The following SLC25A40 variants were observed in gnomAD, a reference collection of about 807,000 sequenced individuals.
SLC25A40 encodes the protein mitochondrial glutathione transporter SLC25A40.
SLC25A40 carries 41 observed loss-of-function variants against 46.5 expected under a neutral mutation model. The observed-to-expected ratio is 0.88, with a 90% CI of 0.69 to 1.14. SLC25A40 has a LOEUF of 1.14. Ranked by LOEUF, SLC25A40 falls within the 50% of genes most tolerant of loss-of-function variation. The pLI, the probability that SLC25A40 is intolerant of heterozygous loss-of-function variation, is 0.00. For missense variants in SLC25A40, 386 were observed against 393.6 expected (o/e 0.98, Z 0.16); for synonymous variants, 126 against 127.5 (o/e 0.99, Z 0.08).
At chr7:87,840,459 C>T (rs1838315710) in intron 10 of SLC25A40, among the ~76,000 whole-genome samples, 2 of 151,666 alleles carry the variant, frequency 1.3e-5, no homozygotes, top group South Asian at 4.1e-4. Context: ...GTACAGATTC[C>T]CATCTTTTCC....
At chr7:87,874,290 A>T (rs915670301) in intron 1 of SLC25A40, among the ~76,000 whole-genome samples, 2 of 152,210 alleles carry the variant, frequency 1.3e-5, no homozygotes, top group Admixed American at 6.5e-5. Flanking sequence ...CACACAATTC[A>T]TCTTTCACAA....
chr7:87,870,814 C>T (rs919414766), intron 1 of SLC25A40, among the ~76,000 whole-genome samples: 4 of 152,158 alleles, frequency 2.6e-5, no homozygotes, highest in Non-Finnish European at 4.4e-5. Flanking sequence ...CCACTTTCAT[C>T]AGCAATAAAA....
At chr7:87,863,003 G>C (rs924542762) in intron 1 of SLC25A40, among the ~76,000 whole-genome samples, 4 of 152,086 alleles carry the variant, frequency 2.6e-5, no homozygotes, top group African/African-American at 9.7e-5. Context: ...TCTTGGTGGG[G>C]ATACAGCCAA....
chr7:87,849,608 C>A (rs1838476785), intron 6 of SLC25A40, among the ~76,000 whole-genome samples: 1 of 152,202 alleles, frequency 6.6e-6, no homozygotes, highest in Non-Finnish European at 1.5e-5. Flanking sequence ...AAGCCTATTT[C>A]TGGACAACTC....
intron 8 of SLC25A40, 170 bp from the exon 9 acceptor site, chr7:87,844,033 C>T: frequency 1.0e-6 from 1 of 975,936 alleles, no homozygotes; most frequent in Non-Finnish European, 1.2e-6. Context: ...ATGCAAAATT[C>T]TCAGTAATAT....
chr7:87,866,945 C>T (rs947296954), intron 1 of SLC25A40, among the ~76,000 whole-genome samples: 5 of 152,232 alleles, frequency 3.3e-5, no homozygotes, highest in African/African-American at 1.2e-4. Context: ...AGTTCTGGGC[C>T]GTGAGCAAGC....
chr7:87,852,071 T>C (rs1838521600), intron 5 of SLC25A40, among the ~76,000 whole-genome samples: 1 of 152,112 alleles, frequency 6.6e-6, no homozygotes, highest in South Asian at 2.1e-4. Context: ...CTAAAAGAAA[T>C]TCACTTCAAT....
intron 9 of SLC25A40, 91 bp downstream of exon 9, chr7:87,843,663 G>T: frequency 4.5e-6 from 4 of 886,802 alleles, no homozygotes; most frequent in Middle Eastern, 2.4e-4. Flanking sequence ...CAGCCAAAGT[G>T]GATCTCAATA....
At chr7:87,841,822 C>G (rs1020131645) in intron 9 of SLC25A40, 108 bp from the exon 10 acceptor site, 1 of 529,528 alleles carries the variant, frequency 1.9e-6, no homozygotes, top group Non-Finnish European at 3.0e-6. Context: ...AAAACAATAA[C>G]CGAACTTTAA....
At chr7:87,861,235 G>A (rs765382834) in intron 1 of SLC25A40, among the ~76,000 whole-genome samples, 3 of 152,116 alleles carry the variant, frequency 2.0e-5, no homozygotes, top group Non-Finnish European at 4.4e-5. Flanking sequence ...AGAGTAAACT[G>A]TTCTAGATTA....
chr7:87,852,159 A>C (rs1306051584), intron 5 of SLC25A40, among the ~76,000 whole-genome samples: 2 of 152,254 alleles, frequency 1.3e-5, no homozygotes, highest in African/African-American at 4.8e-5. Context: ...AAATTAACAT[A>C]CAAGTTGAAT....
chr7:87,842,135 A>G, intron 9 of SLC25A40: 1 of 224,726 alleles, frequency 4.4e-6, no homozygotes, highest in Non-Finnish European at 9.3e-6. Context: ...CGCTTTTAAA[A>G]TAGAATAAAA....
intron 4 of SLC25A40, 60 bp downstream of exon 4, chr7:87,856,232 A>G: frequency 7.1e-7 from 1 of 1,413,138 alleles, no homozygotes; most frequent in Non-Finnish European, 9.7e-7. Context: ...GGCAAAAAAA[A>G]AAACCACAGG....
chr7:87,841,491 A>C (rs1838333754), intron 10 of SLC25A40, 142 bp downstream of exon 10: 2 of 434,588 alleles, frequency 4.6e-6, no homozygotes, highest in Non-Finnish European at 7.8e-6. Flanking sequence ...TTCCATTCTA[A>C]CAGTATATTA....
intron 3 of SLC25A40, 74 bp from the exon 4 acceptor site, chr7:87,856,425 A>G: frequency 2.8e-6 from 3 of 1,075,722 alleles, no homozygotes; most frequent in Non-Finnish European, 4.4e-6. Flanking sequence ...CAGAACACAA[A>G]ATACATTGAT....
chr7:87,848,122 A>C (rs1838450221), intron 6 of SLC25A40, 145 bp from the exon 7 acceptor site: 1 of 912,816 alleles, frequency 1.1e-6, no homozygotes, highest in Non-Finnish European at 1.5e-6. Flanking sequence ...CTATGAGATC[A>C]ATTTTTCTTT....
At chr7:87,854,977 C>G (rs1838585018) in intron 4 of SLC25A40, among the ~76,000 whole-genome samples, 1 of 151,834 alleles carries the variant, frequency 6.6e-6, no homozygotes, top group African/African-American at 2.4e-5. Context: ...CTGGGCTACA[C>G]AGTGAGCCTC....
At position 87,836,162 on chromosome 7, in the gene SLC25A40, G is replaced by A; in HGVS notation, c.*87C>T. ...TAGGAAAGAAAGACATAAAATCATT[G>A]TGAGAGAATAATGGTGAAAAACATT... On this transcript the variant is annotated 3_prime_UTR_variant, in exon 12 of 12. Transcript: ENST00000341119. 1.4e-6 allele frequency: 1 copy of A among 711,528 alleles called. No individual in the cohort carries two copies. The highest frequency in any genetic ancestry group is 2.3e-6 in the Non-Finnish European group (1 of 426,766). 44.1% of individuals were successfully genotyped at this position (711,528 alleles called of 1,614,324 possible). A position where few individuals can be genotyped will look rare whatever the true frequency, so the allele number is the denominator to read the frequency against.
At chr7:87,848,911 T>A (rs778747027) in intron 6 of SLC25A40, among the ~76,000 whole-genome samples, 5 of 152,224 alleles carry the variant, frequency 3.3e-5, no homozygotes, top group Non-Finnish European at 7.3e-5. Flanking sequence ...ACTTTAAACC[T>A]TAAACATTGT....
Sources: gnomAD v4.1 joint callset for allele counts (sites outside exome capture counted in the v4.1 genomes callset) on GRCh38, gnomAD v4.1.1 for gene constraint, MANE v1.5 for transcripts, NCBI Gene and HGNC (gene_info 2026-07-23, HGNC 2026-07-21) for gene names.